PAPSS1: variants seen among roughly 807,000 people sequenced by gnomAD.
PAPSS1 encodes 3'-phosphoadenosine 5'-phosphosulfate synthase 1, also known as bifunctional 3'-phosphoadenosine 5'-phosphosulfate synthase 1.
Under a neutral mutation model 72.0 loss-of-function variants are expected in PAPSS1, and 50 were observed. The observed-to-expected ratio is 0.69, with a 90% CI of 0.55 to 0.88. PAPSS1 has a LOEUF of 0.88. Among genes scored for constraint, PAPSS1 ranks in the 40% least tolerant of loss-of-function variants. PAPSS1 has a pLI of 0.00. For missense variants in PAPSS1, 657 were observed against 782.2 expected, an observed-to-expected ratio of 0.84 and a Z score of 1.91; for synonymous variants, 261 against 263.6, an observed-to-expected ratio of 0.99 and a Z score of 0.09.
At chr4:107,666,096 A>C (rs944807531) in intron 5 of PAPSS1, among the ~76,000 whole-genome samples, 2 of 152,198 alleles carry the variant, frequency 1.3e-5, no homozygotes, top group African/African-American at 4.8e-5. Flanking sequence ...ACCAAACGAC[A>C]TTCCGGCAAC....
Position 107,656,988 on chromosome 4 carries a change from T to C in PAPSS1, c.803A>G (p.Gln268Arg). The change falls in exon 7 of 12, where the codon CAG (glutamine) becomes CGG (arginine). Residue 268 changes from glutamine to arginine, a missense_variant. Transcript: ENST00000265174. The part of the protein sequence containing the change: ...KINKVDMQWV[Q>R]VLAEGWATPL... The stretch of plus-strand genomic sequence containing the variant: ...GGTTGCCCAACCTTCTGCCAAAACC[T>C]GCACCCACTGCATATCCACCTAGTA... 1.2e-6 allele frequency: 2 copies of C among 1,613,244 alleles called. No individual in the cohort carries two copies. Among genetic ancestry groups the C allele is most frequent in the Non-Finnish European group, 1.7e-6 (2 of 1,179,190 alleles).
intron 5 of PAPSS1, among the ~76,000 whole-genome samples, chr4:107,666,763 A>G (rs539617410): frequency 2.8e-4 from 43 of 152,330 alleles, no homozygotes; most frequent in Non-Finnish European, 5.6e-4. Flanking sequence ...AACTCTACTT[A>G]CCACTATTTT....
At chr4:107,672,920 C>T (rs1727530273) in intron 5 of PAPSS1, among the ~76,000 whole-genome samples, 1 of 152,226 alleles carries the variant, frequency 6.6e-6, no homozygotes. Context: ...CGCTGTTCTG[C>T]AGCCTCCGCT....
In PAPSS1 at chr4:107,640,144, T is replaced by C. The variant is rs532123967; in HGVS notation, c.1506+4658A>G. On this transcript the variant is annotated intron_variant, in intron 10 of 11. Coordinates refer to ENST00000265174, the MANE Select transcript of PAPSS1 (RefSeq NM_005443.5). ...TAGCATTATTTATCCTTCACAAAAATAGATTCAGTATTTAGTGAGATGAGA... is the reference window on the plus strand; with the variant it reads ...TAGCATTATTTATCCTTCACAAAAACAGATTCAGTATTTAGTGAGATGAGA... Among the ~76,000 whole-genome samples, 9 of 152,328 alleles carry C rather than the reference T, an allele frequency of 5.9e-5. No individual in the cohort carries two copies. The South Asian group carries it at 1.9e-3, about 32-fold the overall frequency.
chr4:107,695,152 T>C (rs1723035136), intron 2 of PAPSS1, among the ~76,000 whole-genome samples: 1 of 152,208 alleles, frequency 6.6e-6, no homozygotes, highest in South Asian at 2.1e-4. Flanking sequence ...TTTGTTTGTG[T>C]CCTCTATTAT....
At chr4:107,667,459 G>A (rs1727350166) in intron 5 of PAPSS1, among the ~76,000 whole-genome samples, 1 of 152,202 alleles carries the variant, frequency 6.6e-6, no homozygotes. Context: ...AAAGTGGGTA[G>A]CCTGGGCACC....
intron 1 of PAPSS1, among the ~76,000 whole-genome samples, chr4:107,708,850 A>G (rs1243780884): frequency 3.3e-5 from 5 of 152,252 alleles, no homozygotes; most frequent in African/African-American, 9.6e-5. Context: ...AGGTTTCTCC[A>G]TATGTACTAA....
At chr4:107,642,946 A>G (rs1726588613) in intron 10 of PAPSS1, among the ~76,000 whole-genome samples, 1 of 152,214 alleles carries the variant, frequency 6.6e-6, no homozygotes, top group Non-Finnish European at 1.5e-5. Context: ...GGTATAGCCA[A>G]CAGGAATGTC....
At chr4:107,695,342 T>C (rs1366118595) in intron 2 of PAPSS1, among the ~76,000 whole-genome samples, 2 of 152,240 alleles carry the variant, frequency 1.3e-5, no homozygotes, top group African/African-American at 4.8e-5. Flanking sequence ...ATTGATTTTG[T>C]ATCCTGAGAC....
At chr4:107,652,081 G>C (rs1726854489) in intron 9 of PAPSS1, among the ~76,000 whole-genome samples, 1 of 152,130 alleles carries the variant, frequency 6.6e-6, no homozygotes, top group Admixed American at 6.5e-5. Flanking sequence ...TAGTTGCTTG[G>C]AACGAGGGCC....
At chr4:107,676,840 T>A (rs982191601) in intron 5 of PAPSS1, among the ~76,000 whole-genome samples, 73 of 152,192 alleles carry the variant, frequency 4.8e-4, no homozygotes, top group Middle Eastern at 3.4e-3. Flanking sequence ...AACAGAGATA[T>A]AGACCAATGG....
At chr4:107,678,077 C>A (rs897009399) in intron 5 of PAPSS1, among the ~76,000 whole-genome samples, 6 of 151,880 alleles carry the variant, frequency 4.0e-5, no homozygotes, top group Non-Finnish European at 7.4e-5. Flanking sequence ...AGGAGATACA[C>A]CTAATGTTAA....
intron 1 of PAPSS1, chr4:107,719,761 G>GT: frequency 6.4e-6 from 7 of 1,097,570 alleles, no homozygotes; most frequent in Non-Finnish European, 7.9e-6. Flanking sequence ...GGAAGCTCCT[G>GT]TTTCTGCAGC....
At chr4:107,668,024 A>G (rs943738332) in intron 5 of PAPSS1, among the ~76,000 whole-genome samples, 1 of 152,220 alleles carries the variant, frequency 6.6e-6, no homozygotes, top group East Asian at 1.9e-4. Context: ...CTTAATCCCA[A>G]CTACAGTTAG....
chr4:107,622,527 G>A (rs1356150490), intron 11 of PAPSS1, among the ~76,000 whole-genome samples: 3 of 152,100 alleles, frequency 2.0e-5, no homozygotes, highest in Non-Finnish European at 4.4e-5. Flanking sequence ...TTCAAAAGAG[G>A]GGCTTATGAA....
intron 10 of PAPSS1, among the ~76,000 whole-genome samples, chr4:107,635,080 G>A (rs540778457): frequency 6.6e-6 from 1 of 152,142 alleles, no homozygotes. Flanking sequence ...TTACAGGCGT[G>A]AGCCACCGCG....
At chr4:107,687,975 C>CA (rs11305780) in intron 3 of PAPSS1, among the ~76,000 whole-genome samples, 3,428 of 127,048 alleles carry the variant, frequency 0.027, 125 homozygotes, top group African/African-American at 0.09. Context: ...CTTCATGTTT[C>CA]AAAAAAAAAA....
Position 107,614,117 on chromosome 4 carries a change from G to A in PAPSS1, c.*132C>T, listed in dbSNP as rs192519250. ...ACTCATAAGGCAGACCAAAACTGAT[G>A]CAAGTTAAGGAAAATGGTCTGTTTT... On this transcript the variant is annotated 3_prime_UTR_variant, in exon 12 of 12. Coordinates refer to ENST00000265174, the MANE Select transcript of PAPSS1 (RefSeq NM_005443.5). 1.9e-4 allele frequency: 162 copies of A among 865,572 alleles called. No homozygotes were observed. The East Asian group carries it at 3.8e-3, about 20-fold the overall frequency. 53.6% of individuals were successfully genotyped at this position (865,572 alleles called of 1,614,324 possible).
intron 2 of PAPSS1, among the ~76,000 whole-genome samples, chr4:107,699,963 T>C (rs1578431454): frequency 6.6e-6 from 1 of 152,142 alleles, no homozygotes; most frequent in Admixed American, 6.5e-5. Flanking sequence ...TGAGTGAACA[T>C]GTCATAGTAA....
Sources: allele counts gnomAD v4.1 joint callset (sites outside exome capture counted in the v4.1 genomes callset), GRCh38; gene constraint gnomAD v4.1.1; transcripts MANE v1.5; gene names NCBI Gene and HGNC (gene_info 2026-07-23, HGNC 2026-07-21).